Variants in RBM19 observed in about 807,000 individuals in gnomAD.
RBM19 encodes the protein probable RNA-binding protein 19.
RBM19 carries 94 observed loss-of-function variants against 116.8 expected under a neutral mutation model. The observed-to-expected ratio is 0.80, with a 90% CI of 0.68 to 0.95. The LOEUF (loss-of-function observed/expected upper bound fraction) is 0.95. RBM19 is among the 40% of genes least tolerant of loss of function. RBM19 has a pLI of 0.00. For missense variants in RBM19, 1,161 were observed against 1,220.7 expected (o/e 0.95, Z 0.73); for synonymous variants, 475 against 494.1 (o/e 0.96, Z 0.51).
chr12:113,884,120 A>AAAAAAAAAC (rs538609061), intron 21 of RBM19, among the ~76,000 whole-genome samples: 33,116 of 145,522 alleles, frequency 0.23, 4,050 homozygotes, highest in Admixed American at 0.32. Context: ...ACCAAAAAAA[A>AAAAAAAAAC]AAAAAAACAA....
At position 113,936,980 on chromosome 12, in the gene RBM19, C is replaced by CAGG. The variant is rs780810513; in HGVS notation, c.2068+26_2068+27insCCT. 67 of 1,607,940 alleles carry CAGG rather than the reference C, an allele frequency of 4.2e-5. No homozygotes were observed. In the Admixed American group the frequency reaches 1.1e-3, roughly 27 times the overall value. On this transcript the variant is annotated intron_variant, in intron 16 of 23. Coordinates refer to ENST00000261741, the MANE Select transcript of RBM19 (RefSeq NM_016196.4). ...CCTTTCCCTCACCAGGATCCCAAGC[C>CAGG]ATCCTGGTCTCAGACTCAGCTCTTA...
chr12:113,902,546 C>T (rs934861301), intron 21 of RBM19, among the ~76,000 whole-genome samples: 1 of 132,892 alleles, frequency 7.5e-6, no homozygotes, highest in Non-Finnish European at 1.5e-5. Flanking sequence ...CTTCAGTGAG[C>T]AATGATTACA....
In RBM19 at chr12:113,869,533, A is replaced by G. The variant is rs75403304; in HGVS notation, c.2559-10637T>C. Reference sequence around the variant, plus strand: ...GCTCTCCCCCACTTTCTCCCCCTCTAGTCTTCAGCTGCCTCAAGTACAGCT... The same window carrying G: ...GCTCTCCCCCACTTTCTCCCCCTCTGGTCTTCAGCTGCCTCAAGTACAGCT... On this transcript the variant is annotated intron_variant, in intron 21 of 23. Coordinates refer to ENST00000261741, the MANE Select transcript of RBM19 (RefSeq NM_016196.4). Among the ~76,000 whole-genome samples the G allele has an allele frequency of 3.3e-3, 506 of 152,260 alleles. 9 individuals are homozygous for G. Among genetic ancestry groups the G allele is most frequent in the African/African-American group, 0.012 (478 of 41,532 alleles).
intron 23 of RBM19, among the ~76,000 whole-genome samples, chr12:113,831,949 T>G (rs912177371): frequency 2.0e-5 from 3 of 152,156 alleles, no homozygotes; most frequent in African/African-American, 7.2e-5. Context: ...CATGGCTCCC[T>G]GCATGGCCAG....
intron 23 of RBM19, among the ~76,000 whole-genome samples, chr12:113,839,119 G>A (rs967253027): frequency 8.5e-5 from 13 of 152,362 alleles, no homozygotes; most frequent in African/African-American, 3.1e-4. Context: ...GTTCAGGGCC[G>A]AGGCCAGAGC....
intron 6 of RBM19, among the ~76,000 whole-genome samples, chr12:113,957,207 G>T (rs1250751696): frequency 2.0e-5 from 3 of 152,120 alleles, no homozygotes; most frequent in Non-Finnish European, 4.4e-5. Context: ...ACTTAGTGTT[G>T]ACAATAATTT....
chr12:113,962,438 G>T, intron 1 of RBM19, 24 bp from the exon 2 acceptor site: 1 of 1,602,282 alleles, frequency 6.2e-7, no homozygotes, highest in South Asian at 1.1e-5. Context: ...AAAGGAATGA[G>T]AGACGAACTG....
chr12:113,899,811 A>G (rs1427038774), intron 21 of RBM19, among the ~76,000 whole-genome samples: 1 of 152,094 alleles, frequency 6.6e-6, no homozygotes, highest in Non-Finnish European at 1.5e-5. Context: ...GCTGCCTTTC[A>G]CCACCCAGAA....
At chr12:113,946,553 C>A in intron 11 of RBM19, 78 bp from the exon 12 acceptor site, 1 of 1,593,554 alleles carries the variant, frequency 6.3e-7, no homozygotes, top group South Asian at 1.1e-5. Flanking sequence ...ATGTTGGCTT[C>A]TGCCACGAGT....
chr12:113,914,957 T>C lies in RBM19; in HGVS notation c.2558+12A>G. 1.9e-6 allele frequency: 3 copies of C among 1,607,926 alleles called. No individual in the cohort carries two copies. The highest frequency in any genetic ancestry group is 2.6e-6 in the Non-Finnish European group (3 of 1,174,350). On this transcript the variant is annotated intron_variant, in intron 21 of 23. Coordinates refer to ENST00000261741, the MANE Select transcript of RBM19 (RefSeq NM_016196.4). Reference sequence around the variant, plus strand: ...ACACGCCAGTCCCCTGGACTAAACCTGAAGTTCTCACCTGAAGAGCTCTCG... The same window carrying C: ...ACACGCCAGTCCCCTGGACTAAACCCGAAGTTCTCACCTGAAGAGCTCTCG...
intron 21 of RBM19, among the ~76,000 whole-genome samples, chr12:113,878,607 A>G (rs1879838367): frequency 6.6e-6 from 1 of 150,416 alleles, no homozygotes; most frequent in Non-Finnish European, 1.5e-5. Context: ...GGGGCCCAGA[A>G]GAAAGAGGTA....
chr12:113,913,494 C>T (rs1882579783), intron 21 of RBM19, among the ~76,000 whole-genome samples: 1 of 152,324 alleles, frequency 6.6e-6, no homozygotes, highest in East Asian at 1.9e-4. Context: ...CCTCAGATCC[C>T]AGCTCACCAC....
At position 113,867,418 on chromosome 12, in the gene RBM19, G is replaced by A. The variant is rs573597681; in HGVS notation, c.2559-8522C>T. Among the ~76,000 whole-genome samples, 7 of 152,286 alleles carry A rather than the reference G, an allele frequency of 4.6e-5. No individual in the cohort carries two copies. The East Asian group carries it at 1.4e-3, about 29-fold the overall frequency. On this transcript the variant is annotated intron_variant, in intron 21 of 23. Transcript: ENST00000261741. ...GTGCAGGCACCAAGCTCTGGGCTGG[G>A]AAAGAAATGTGGACCTGATGTGCTC...
At chr12:113,880,459 G>A (rs1241397924) in intron 21 of RBM19, among the ~76,000 whole-genome samples, 1 of 152,182 alleles carries the variant, frequency 6.6e-6, no homozygotes, top group Non-Finnish European at 1.5e-5. Context: ...TGACAGGTAC[G>A]ACAGCTCTTG....
chr12:113,821,565 G>GC (rs1199435592), downstream of RBM19, among the ~76,000 whole-genome samples: 1 of 152,116 alleles, frequency 6.6e-6, no homozygotes, highest in Non-Finnish European at 1.5e-5. Context: ...ACACTGTTCA[G>GC]CCCCCACATC....
intron 7 of RBM19, among the ~76,000 whole-genome samples, chr12:113,954,019 C>T (rs1053234011): frequency 2.0e-5 from 3 of 152,208 alleles, no homozygotes; most frequent in South Asian, 4.1e-4. Context: ...ATAACTCCCA[C>T]GTCCCAATTT....
chr12:113,854,327 G>A (rs367720942), intron 22 of RBM19, among the ~76,000 whole-genome samples: 5 of 152,056 alleles, frequency 3.3e-5, no homozygotes, highest in Non-Finnish European at 5.9e-5. Flanking sequence ...CTTCCAGGTC[G>A]TGTGGTCCCC....
chr12:113,859,621 C>T (rs1878204185), intron 21 of RBM19, among the ~76,000 whole-genome samples: 1 of 152,190 alleles, frequency 6.6e-6, no homozygotes, highest in African/African-American at 2.4e-5. Context: ...CCCTTCTCTC[C>T]TCTCCTCCAG....
intron 21 of RBM19, among the ~76,000 whole-genome samples, chr12:113,868,593 G>T (rs1304451216): frequency 1.3e-5 from 2 of 152,168 alleles, no homozygotes; most frequent in African/African-American, 4.8e-5. Context: ...ATTTCTCTGG[G>T]AAAGGAAAAG....
Sources: allele counts gnomAD v4.1 joint callset (sites outside exome capture counted in the v4.1 genomes callset), GRCh38; gene constraint gnomAD v4.1.1; transcripts MANE v1.5; gene names NCBI Gene and HGNC (gene_info 2026-07-23, HGNC 2026-07-21).